GOLGA5: variants seen among roughly 807,000 people sequenced by gnomAD.
GOLGA5 encodes golgin A5.
GOLGA5 carries 50 observed loss-of-function variants against 93.5 expected under a neutral mutation model. The observed-to-expected ratio is 0.53, with a 90% confidence interval of 0.43 to 0.68. The LOEUF (loss-of-function observed/expected upper bound fraction) is 0.68. Among genes scored for constraint, GOLGA5 ranks in the 30% least tolerant of loss-of-function variants. The pLI, the probability that GOLGA5 is intolerant of heterozygous loss-of-function variation, is 0.00. For missense variants in GOLGA5, 760 were observed against 856.4 expected (o/e 0.89, Z 1.40); for synonymous variants, 312 against 304.5 (o/e 1.02, Z -0.26).
At chr14:92,815,257 A>G (rs1056360325) in intron 6 of GOLGA5, among the ~76,000 whole-genome samples, 1 of 152,226 alleles carries the variant, frequency 6.6e-6, no homozygotes, top group African/African-American at 2.4e-5. Flanking sequence ...GCACTTTAAA[A>G]AAGTCTACCC....
chr14:92,799,677 G>A (rs1422241222), intron 2 of GOLGA5, among the ~76,000 whole-genome samples: 1 of 151,824 alleles, frequency 6.6e-6, no homozygotes, highest in African/African-American at 2.4e-5. Context: ...CGCGATCTTA[G>A]CTCACTGCAA....
intron 9 of GOLGA5, 60 bp downstream of exon 9, chr14:92,824,704 A>T (rs1885381571): frequency 2.3e-6 from 2 of 865,068 alleles, no homozygotes; most frequent in African/African-American, 1.7e-5. Context: ...CATTTTTTTA[A>T]AAAGGACACA....
intron 11 of GOLGA5, among the ~76,000 whole-genome samples, chr14:92,836,444 A>G (rs1885643144): frequency 6.6e-6 from 1 of 152,192 alleles, no homozygotes; most frequent in Non-Finnish European, 1.5e-5. Context: ...CTATTCATTT[A>G]TTCAACATAC....
At chr14:92,797,300 G>A (rs1293483794) in intron 1 of GOLGA5, 108 bp from the exon 2 acceptor site, 1 of 597,946 alleles carries the variant, frequency 1.7e-6, no homozygotes, top group African/African-American at 1.9e-5. Context: ...CTAGTAAAAG[G>A]TAGGGTTAGG....
At position 92,806,786 on chromosome 14, in the gene GOLGA5, A is replaced by G. The variant is rs753745020; in HGVS notation, c.595A>G (p.Lys199Glu). ...CCATGAAGGTCAAGAGGAATCTTCAAAGGAAAATGTGTCATCAAATGCTGC... is the reference window on the plus strand; with the variant it reads ...CCATGAAGGTCAAGAGGAATCTTCAGAGGAAAATGTGTCATCAAATGCTGC... ...SSHEGQEESS[K>E]ENVSSNAACP... is the part of the protein sequence containing the mutation. Residue 199 changes from lysine (K) to glutamate (E), a missense_variant, in exon 3 of 13, where the codon AAG becomes GAG. Lys to Glu is a moderately conservative substitution (Grantham distance 56). Transcript: ENST00000163416. 122 of 1,613,964 alleles carry G rather than the reference A, an allele frequency of 7.6e-5. No individual in the cohort carries two copies. The highest frequency in any genetic ancestry group is 1.0e-4 in the Non-Finnish European group (119 of 1,179,924).
chr14:92,809,134 C>T (rs1431699173), intron 3 of GOLGA5, among the ~76,000 whole-genome samples, 166 bp from the exon 4 acceptor site: 1 of 152,086 alleles, frequency 6.6e-6, no homozygotes, highest in Non-Finnish European at 1.5e-5. Context: ...TGAATATTGC[C>T]CTTGAAAAGT....
chr14:92,816,268 T>C lies in GOLGA5; in HGVS notation c.1338T>C (p.Ile446=), dbSNP rs774449055. The change falls in exon 7 of 13, where the codon ATT becomes ATC. Residue 446 remains isoleucine, a synonymous_variant. Coordinates refer to ENST00000163416, the MANE Select transcript of GOLGA5 (RefSeq NM_005113.4). Reference sequence around the variant, plus strand: ...TATAATAGTCTAAGGAAAAATTGATTAACAGCTTGAAAGAAGGCTCTGGTT... The same window carrying C: ...TATAATAGTCTAAGGAAAAATTGATCAACAGCTTGAAAGAAGGCTCTGGTT... ...TRILQSKEKL[I]NSLKEGSGFE... 7 of 1,612,096 alleles carry C rather than the reference T, an allele frequency of 4.3e-6. No individual in the cohort carries two copies. In the African/African-American group the frequency reaches 5.3e-5, roughly 12 times the overall value.
In GOLGA5 at chr14:92,819,670, T is replaced by C; in HGVS notation, c.1492-38T>C. On this transcript the variant is annotated intron_variant, in intron 7 of 12. Transcript: ENST00000163416. ...TGCTCAATAAATGTTGAACTGAATG[T>C]TAATTATTGCTTTTACATGTAAGCT... 3 of 1,599,028 alleles carry C rather than the reference T, an allele frequency of 1.9e-6. No individual in the cohort carries two copies. The African/African-American group carries it at 4.0e-5, about 21-fold the overall frequency.
At chr14:92,819,080 G>A (rs897906646) in intron 7 of GOLGA5, among the ~76,000 whole-genome samples, 1 of 152,180 alleles carries the variant, frequency 6.6e-6, no homozygotes, top group Non-Finnish European at 1.5e-5. Context: ...AATTTCAGGG[G>A]ACTAATGCAG....
At chr14:92,815,903 C>G (rs2140323639) in intron 6 of GOLGA5, among the ~76,000 whole-genome samples, 1 of 151,814 alleles carries the variant, frequency 6.6e-6, no homozygotes, top group African/African-American at 2.4e-5. Context: ...GACGGGGTTT[C>G]ACCATATTAG....
chr14:92,813,029 T>G (rs969876602), intron 6 of GOLGA5, among the ~76,000 whole-genome samples: 1 of 152,184 alleles, frequency 6.6e-6, no homozygotes, highest in African/African-American at 2.4e-5. Flanking sequence ...TCTGTTCTGG[T>G]CAACGTTACT....
chr14:92,830,482 G>A (rs1885508198), intron 9 of GOLGA5, among the ~76,000 whole-genome samples: 1 of 151,476 alleles, frequency 6.6e-6, no homozygotes, highest in Admixed American at 6.6e-5. Context: ...TTCTTCTAGT[G>A]TGGCCCAGAA....
At chr14:92,832,568 C>A (rs1245461334) in intron 9 of GOLGA5, among the ~76,000 whole-genome samples, 1 of 152,224 alleles carries the variant, frequency 6.6e-6, no homozygotes, top group East Asian at 1.9e-4. Context: ...CTGTCATCTT[C>A]ACTAACAGAT....
At chr14:92,804,926 G>A (rs528680485) in intron 2 of GOLGA5, among the ~76,000 whole-genome samples, 6 of 152,262 alleles carry the variant, frequency 3.9e-5, no homozygotes, top group Admixed American at 6.5e-5. Context: ...GATTACAGGC[G>A]TGAGCCACCA....
At chr14:92,837,335 T>C in intron 11 of GOLGA5, 51 bp from the exon 12 acceptor site, 1 of 866,366 alleles carries the variant, frequency 1.2e-6, no homozygotes, top group Non-Finnish European at 1.9e-6. Flanking sequence ...AAGATTTGTT[T>C]TGACTGTGAC....
chr14:92,839,690 C>G lies in GOLGA5; in HGVS notation c.*244C>G, dbSNP rs1221652897. The G allele has an allele frequency of 3.3e-5, 18 of 546,188 alleles. No homozygotes were observed. Among genetic ancestry groups the G allele is most frequent in the Non-Finnish European group, 5.9e-5 (18 of 307,408 alleles). 33.8% of individuals were successfully genotyped at this position (546,188 alleles called of 1,614,324 possible). ...TCTGCTTTATCTGAGTTTAGTGGTCCTAATATATATGTAGAGAAAGATGGT... is the reference window on the plus strand; with the variant it reads ...TCTGCTTTATCTGAGTTTAGTGGTCGTAATATATATGTAGAGAAAGATGGT... On this transcript the variant is annotated 3_prime_UTR_variant, in exon 13 of 13. Coordinates refer to ENST00000163416, the MANE Select transcript of GOLGA5 (RefSeq NM_005113.4).
rs772660824 is a variant in GOLGA5, at chr14:92,811,590, C to T, written c.1156C>T (p.Arg386Cys). ...AARLNKVEME[R>C]QNLAEAITLA... The stretch of plus-strand genomic sequence containing the variant: ...ACGCCTTAATAAAGTGGAAATGGAA[C>T]GTCAGAATTTAGCAGAAGCAATTAC... Residue 386 changes from arginine to cysteine, a missense_variant, in exon 6 of 13, where the codon CGT becomes TGT. By Grantham distance (180) the Arg-to-Cys change is radical. Transcript: ENST00000163416. 1.5e-5 allele frequency: 24 copies of T among 1,612,934 alleles called. No individual in the cohort carries two copies. Among genetic ancestry groups the T allele is most frequent in the Admixed American group, 6.7e-5 (4 of 59,970 alleles).
At chr14:92,825,147 C>T (rs1213534178) in intron 9 of GOLGA5, among the ~76,000 whole-genome samples, 1 of 152,034 alleles carries the variant, frequency 6.6e-6, no homozygotes, top group African/African-American at 2.4e-5. Flanking sequence ...TTCACATTCC[C>T]TGTAATCATA....
At chr14:92,835,437 G>C in intron 10 of GOLGA5, 122 bp from the exon 11 acceptor site, 1 of 562,456 alleles carries the variant, frequency 1.8e-6, no homozygotes, top group Non-Finnish European at 3.2e-6. Context: ...ATCTACTTTG[G>C]GGTGATGCTT....
Sources: gnomAD v4.1 joint callset for allele counts (sites outside exome capture counted in the v4.1 genomes callset) on GRCh38, gnomAD v4.1.1 for gene constraint, MANE v1.5 for transcripts, NCBI Gene and HGNC (gene_info 2026-07-23, HGNC 2026-07-21) for gene names.